The following MCM8 variants were observed in gnomAD, a reference collection of about 807,000 sequenced individuals.
MCM8 encodes DNA helicase MCM8.
In MCM8, 85 loss-of-function variants were observed where a neutral mutation model predicts 98.9. The observed-to-expected ratio is 0.86, with a 90% confidence interval of 0.72 to 1.03. The LOEUF (loss-of-function observed/expected upper bound fraction) is 1.03. Among genes scored for constraint, MCM8 ranks in the 50% least tolerant of loss-of-function variants. The pLI is 0.00. For missense variants in MCM8, 951 were observed against 997.8 expected (o/e 0.95, Z 0.63); for synonymous variants, 352 against 338.6 (o/e 1.04, Z -0.44).
At chr20:5,962,709 A>C (rs1305045784) in intron 7 of MCM8, among the ~76,000 whole-genome samples, 1 of 152,216 alleles carries the variant, frequency 6.6e-6, no homozygotes, top group Non-Finnish European at 1.5e-5. Context: ...AGGTTCTAAA[A>C]AGTCTTGAAG....
intron 18 of MCM8, 170 bp downstream of exon 18, chr20:5,993,865 T>G: frequency 1.9e-6 from 1 of 525,206 alleles, no homozygotes; most frequent in East Asian, 2.9e-5. Context: ...GTCTCTATGT[T>G]TTTCTGACTG....
intron 6 of MCM8, 118 bp from the exon 7 acceptor site, chr20:5,958,410 T>G (rs1276339303): frequency 4.0e-6 from 3 of 745,118 alleles, no homozygotes; most frequent in African/African-American, 1.8e-5. Context: ...TCTTGTGATA[T>G]TTCTGATATA....
intron 17 of MCM8, among the ~76,000 whole-genome samples, chr20:5,987,731 T>C (rs889430317): frequency 6.6e-6 from 1 of 152,156 alleles, no homozygotes; most frequent in African/African-American, 2.4e-5. Context: ...TAGAGACTCT[T>C]TTTTTATAGC....
At chr20:5,993,123 C>T (rs536174379) in intron 17 of MCM8, among the ~76,000 whole-genome samples, 5 of 152,164 alleles carry the variant, frequency 3.3e-5, no homozygotes, top group East Asian at 1.9e-4. Context: ...AATACTGGTG[C>T]GGCCAGATGC....
rs1325777854 is a variant in MCM8 at position 5,996,952 on chromosome 20, C to T, written c.*2561C>T. On this transcript the variant is annotated 3_prime_UTR_variant, in exon 19 of 19. Transcript: ENST00000610722. ...CCTTTCAACCACTGTAGCAACAAAG[C>T]TCTGGCCTAGGCTTTTCACTTGCTT... 6.6e-6 allele frequency: 1 copy of T among 152,388 alleles called. No homozygotes were observed. Among genetic ancestry groups the T allele is most frequent in the Admixed American group, 6.5e-5 (1 of 15,304 alleles). 9.4% of individuals were successfully genotyped at this position (152,388 alleles called of 1,614,324 possible).
chr20:5,953,412 C>T (rs2088883163), intron 3 of MCM8, among the ~76,000 whole-genome samples: 1 of 150,462 alleles, frequency 6.6e-6, no homozygotes, highest in Non-Finnish European at 1.5e-5. Flanking sequence ...GTTAAAATAC[C>T]CATTTGTTTC....
chr20:5,967,239 G>A (rs1159274861), intron 8 of MCM8, among the ~76,000 whole-genome samples, 197 bp from the exon 9 acceptor site: 3 of 152,164 alleles, frequency 2.0e-5, no homozygotes, highest in African/African-American at 7.2e-5. Context: ...ATTTTGGAGG[G>A]AGGCTAGGCA....
intron 12 of MCM8, among the ~76,000 whole-genome samples, chr20:5,976,416 C>T (rs763545335): frequency 3.9e-5 from 6 of 152,112 alleles, no homozygotes; most frequent in Admixed American, 2.0e-4. Context: ...AGAGACAGCT[C>T]ACGCCCAAAA....
At chr20:5,953,438 GGTGTGTGTGTGTGTGTGT>G (rs11470045) in intron 3 of MCM8, among the ~76,000 whole-genome samples, 9 of 146,190 alleles carry the variant, frequency 6.2e-5, no homozygotes, top group Admixed American at 1.4e-4. Context: ...TCTCATGAGG[GGTGTGTGTGTGTGTGTGT>G]GTGTGTGTGT....
intron 10 of MCM8, among the ~76,000 whole-genome samples, chr20:5,971,003 G>A (rs1414887395): frequency 6.6e-6 from 1 of 151,730 alleles, no homozygotes; most frequent in Non-Finnish European, 1.5e-5. Flanking sequence ...TATAGATATC[G>A]GGGTCTCACT....
Position 5,957,223 on chromosome 20 carries a change from A to G in MCM8, c.584A>G (p.His195Arg). 3.1e-6 allele frequency: 5 copies of G among 1,611,664 alleles called. No homozygotes were observed. Among genetic ancestry groups the G allele is most frequent in the Non-Finnish European group, 3.4e-6 (4 of 1,178,320 alleles). Residue 195 changes from histidine to arginine, a missense_variant, in exon 6 of 19, where the codon CAT (histidine) becomes CGT (arginine). By Grantham distance (29) the His-to-Arg change is conservative (BLOSUM62 0). Coordinates refer to ENST00000610722, the MANE Select transcript of MCM8 (RefSeq NM_032485.6). The stretch of plus-strand genomic sequence containing the variant: ...ACAATGGTAAATGTGCCACATATTC[A>G]TGCAAGGTGAGGAATTTGATGTATT... ...GETMVNVPHI[H>R]ARVYNYEPLT...
chr20:5,967,411 A>G (rs41282944), intron 8 of MCM8, 25 bp from the exon 9 acceptor site: 44,611 of 1,604,328 alleles, frequency 0.028, 783 homozygotes, highest in Non-Finnish European at 0.032. Flanking sequence ...AAGTATTCTA[A>G]CTGAAAACTA....
At chr20:5,953,881 T>C (rs1406640140) in intron 3 of MCM8, among the ~76,000 whole-genome samples, 3 of 152,144 alleles carry the variant, frequency 2.0e-5, no homozygotes, top group Non-Finnish European at 4.4e-5. Context: ...ACTTTACAAA[T>C]GTTTTCTTTA....
intron 8 of MCM8, chr20:5,965,040 T>G (rs2089244195): frequency 6.6e-6 from 1 of 152,234 alleles, no homozygotes. Flanking sequence ...TCTTCTAGAC[T>G]TTCTCCGTTC....
intron 7 of MCM8, among the ~76,000 whole-genome samples, chr20:5,962,706 A>G (rs191434720): frequency 2.0e-5 from 3 of 152,338 alleles, no homozygotes; most frequent in Admixed American, 2.0e-4. Context: ...GCAAGGTTCT[A>G]AAAAGTCTTG....
chr20:5,970,531 C>T (rs987641001), intron 10 of MCM8, among the ~76,000 whole-genome samples: 2 of 152,196 alleles, frequency 1.3e-5, no homozygotes, highest in Admixed American at 6.5e-5. Context: ...GAGTATTAAA[C>T]ACCTCAGCAC....
In MCM8 at chr20:5,984,815, G is replaced by T; in HGVS notation, c.1768G>T (p.Val590Phe). 2 of 1,613,748 alleles carry T rather than the reference G, an allele frequency of 1.2e-6. No homozygotes were observed. Among genetic ancestry groups the T allele is most frequent in the Non-Finnish European group, 1.7e-6 (2 of 1,179,842 alleles). Residue 590 changes from valine to phenylalanine, a missense_variant, in exon 15 of 19, where the codon GTC (valine) becomes TTC (phenylalanine). Val to Phe is a conservative substitution (Grantham distance 50). Coordinates refer to ENST00000610722, the MANE Select transcript of MCM8 (RefSeq NM_032485.6). ...GSALLSRFDLVFILLDTPNEH... is the reference protein window; with the variant it reads ...GSALLSRFDLFFILLDTPNEH... Reference sequence around the variant, plus strand: ...TGCACTACTATCCAGATTTGATTTGGTCTTTATCCTGTTAGATACTCCAAA... The same window carrying T: ...TGCACTACTATCCAGATTTGATTTGTTCTTTATCCTGTTAGATACTCCAAA...
intron 14 of MCM8, among the ~76,000 whole-genome samples, chr20:5,983,971 T>G (rs1369773033): frequency 6.6e-6 from 1 of 152,198 alleles, no homozygotes; most frequent in Admixed American, 6.5e-5. Flanking sequence ...TTATATGTAC[T>G]AATGGGGGAA....
In MCM8 at chr20:5,984,955, C is replaced by G. The variant is rs147567185; in HGVS notation, c.1908C>G (p.Ser636=). The change falls in exon 15 of 19, where the codon TCC becomes TCG. Residue 636 remains serine (S), a synonymous_variant. Coordinates refer to ENST00000610722, the MANE Select transcript of MCM8 (RefSeq NM_032485.6). ...ARMNSQDSNT[S]VLEVVSEKPL... ...TGAATAGTCAAGATTCAAATACTTC[C>G]GTACTTGAAGTAGTTTCTGAGAAGC... 2.5e-6 allele frequency: 4 copies of G among 1,613,764 alleles called. No individual in the cohort carries two copies. Among genetic ancestry groups the G allele is most frequent in the African/African-American group, 1.3e-5 (1 of 74,898 alleles).
Sources: gnomAD v4.1 joint callset for allele counts (sites outside exome capture counted in the v4.1 genomes callset) on GRCh38, gnomAD v4.1.1 for gene constraint, MANE v1.5 for transcripts, NCBI Gene and HGNC (gene_info 2026-07-23, HGNC 2026-07-21) for gene names.